GIMD1: variants seen among roughly 807,000 people sequenced by gnomAD.
GIMD1 encodes GIMAP family P-loop NTPase domain containing 1.
In GIMD1, 14 loss-of-function variants were observed where a neutral mutation model predicts 14.9. The observed-to-expected ratio is 0.94, with a 90% CI of 0.62 to 1.47. GIMD1 has a LOEUF of 1.47. Among genes scored for constraint, GIMD1 ranks in the 40% most tolerant of loss-of-function variants. The probability of loss-of-function intolerance (pLI) is 0.00; values close to 1 mark genes in which losing one functional copy is unlikely to be tolerated. For synonymous variants in GIMD1, 91 were observed against 90.5 expected, an observed-to-expected ratio of 1.01 and a Z score of -0.03; for missense variants, 272 against 255.3, an observed-to-expected ratio of 1.07 and a Z score of -0.44.
intron 1 of GIMD1, 140 bp downstream of exon 1, chr4:106,368,570 T>G (rs1770742654): frequency 5.1e-6 from 2 of 391,588 alleles, no homozygotes. Context: ...GTCCCTCCAG[T>G]TCACACCAGC....
At chr4:106,362,592 AC>A (rs1343856796) in intron 2 of GIMD1, among the ~76,000 whole-genome samples, 2 of 152,032 alleles carry the variant, frequency 1.3e-5, no homozygotes. Context: ...CCAGGACCTC[AC>A]CAGCCCTGCC....
chr4:106,368,682 C>A (rs1364028313), intron 1 of GIMD1, 28 bp downstream of exon 1: 1 of 398,220 alleles, frequency 2.5e-6, no homozygotes, highest in Non-Finnish European at 4.4e-6. Flanking sequence ...ATTATTCAAT[C>A]CCAATCCATT....
rs187652846 is a variant in GIMD1 at position 106,364,527 on chromosome 4, A to G, written c.393+2516T>C. Among the ~76,000 whole-genome samples the G allele has an allele frequency of 3.0e-3, 461 of 152,286 alleles. 6 individuals are homozygous for G. Among genetic ancestry groups the G allele is most frequent in the Admixed American group, 0.028 (433 of 15,282 alleles). ...GCACATACAGATGGCTGCCACCAGT[A>G]TCTGAGGCACCTTCAGGAAGATCAC... On this transcript the variant is annotated intron_variant, in intron 2 of 2. Coordinates refer to ENST00000638719, the MANE Select transcript of GIMD1 (RefSeq NM_001195138.2).
intron 2 of GIMD1, among the ~76,000 whole-genome samples, chr4:106,360,689 G>A (rs972877919): frequency 6.6e-6 from 1 of 152,036 alleles, no homozygotes; most frequent in African/African-American, 2.4e-5. Flanking sequence ...GTGAGTCCCT[G>A]TCTAGTATGA....
chr4:106,365,691 G>A (rs1319963775), intron 2 of GIMD1, among the ~76,000 whole-genome samples: 1 of 152,108 alleles, frequency 6.6e-6, no homozygotes, highest in Non-Finnish European at 1.5e-5. Context: ...AGGCTCTTGA[G>A]TAATACTAGT....
chr4:106,358,179 A>G lies in GIMD1; in HGVS notation c.*4T>C. The G allele has an allele frequency of 2.0e-6, 3 of 1,468,202 alleles. No individual in the cohort carries two copies. The highest frequency in any genetic ancestry group is 1.8e-6 in the Non-Finnish European group (2 of 1,113,798). 90.9% of individuals were successfully genotyped at this position (1,468,202 alleles called of 1,614,324 possible). A position where few individuals can be genotyped will look rare whatever the true frequency, so the allele number is the denominator to read the frequency against. ...CCCAATGCTCCTTTCCTTTCACCTA[A>G]ATTTTATTTAAATGTAAGAACTTGG... On this transcript the variant is annotated 3_prime_UTR_variant, in exon 3 of 3. Coordinates refer to ENST00000638719, the MANE Select transcript of GIMD1 (RefSeq NM_001195138.2).
At chr4:106,363,599 C>A (rs1180461219) in intron 2 of GIMD1, among the ~76,000 whole-genome samples, 1 of 152,036 alleles carries the variant, frequency 6.6e-6, no homozygotes, top group Non-Finnish European at 1.5e-5. Context: ...GAACTCTTAA[C>A]ATACATAAAA....
At chr4:106,366,496 T>A (rs1770700868) in intron 2 of GIMD1, among the ~76,000 whole-genome samples, 2 of 152,186 alleles carry the variant, frequency 1.3e-5, no homozygotes, top group African/African-American at 4.8e-5. Context: ...CCTGGTGAAC[T>A]ATAAGAGATT....
chr4:106,367,886 C>G (rs1311579637), intron 1 of GIMD1, among the ~76,000 whole-genome samples: 1 of 152,048 alleles, frequency 6.6e-6, no homozygotes, highest in Non-Finnish European at 1.5e-5. Context: ...AAGAAACAAC[C>G]CTTCTTGCTT....
chr4:106,366,224 T>A (rs1378386176), intron 2 of GIMD1, among the ~76,000 whole-genome samples: 1 of 152,106 alleles, frequency 6.6e-6, no homozygotes, highest in Non-Finnish European at 1.5e-5. Flanking sequence ...GAATCTGAAG[T>A]TCTGAATTGT....
chr4:106,365,391 GTT>G (rs11461687), intron 2 of GIMD1, among the ~76,000 whole-genome samples: 1 of 145,358 alleles, frequency 6.9e-6, no homozygotes, highest in Non-Finnish European at 1.5e-5. Context: ...ATATGGCTGG[GTT>G]TTTTTTTTTC....
rs1288018444 is a variant in GIMD1, at chr4:106,358,078, C to A, written c.*105G>T. The A allele has an allele frequency of 5.9e-5, 43 of 730,828 alleles. No individual in the cohort carries two copies. In the East Asian group the frequency reaches 1.1e-3, roughly 19 times the overall value. The allele number at this position is 730,828 out of a possible 1,614,324, so 45.3% of individuals were successfully genotyped here. ...TTATACCAATGTACACTCTCACCAG[C>A]AGCATATCAGAATACTTATGGTCCA... is the stretch of plus-strand genomic sequence containing the variant. On this transcript the variant is annotated 3_prime_UTR_variant, in exon 3 of 3. Transcript: ENST00000638719.
chr4:106,362,078 A>T (rs73839458), intron 2 of GIMD1, among the ~76,000 whole-genome samples: 2,780 of 152,188 alleles, frequency 0.018, 81 homozygotes, highest in African/African-American at 0.061. Context: ...AAATCACCTA[A>T]GGATAATAGA....
chr4:106,366,966 T>TAA, intron 2 of GIMD1, 77 bp downstream of exon 2: 1 of 353,570 alleles, frequency 2.8e-6, no homozygotes, highest in African/African-American at 2.2e-5. Context: ...AATATTATTA[T>TAA]TATTATTATT....
intron 1 of GIMD1, among the ~76,000 whole-genome samples, chr4:106,367,908 C>G (rs915959691): frequency 6.6e-6 from 1 of 152,112 alleles, no homozygotes; most frequent in African/African-American, 2.4e-5. Flanking sequence ...CTAACAACAT[C>G]CCCCATCTTC....
At position 106,367,324 on chromosome 4, in the gene GIMD1, A is replaced by G; in HGVS notation, c.112T>C (p.Phe38Leu). 2.0e-6 allele frequency: 3 copies of G among 1,536,040 alleles called. No homozygotes were observed. Among genetic ancestry groups the G allele is most frequent in the Non-Finnish European group, 2.6e-6 (3 of 1,146,844 alleles). ...LLGSTDFHSS[F>L]APCSVTTCCS... Reference sequence around the variant, plus strand: ...CATGTGGTCACAGAACAGGGAGCAAAGCTGCTGTGAAAGTCTGTGCTTCCC... The same window carrying G: ...CATGTGGTCACAGAACAGGGAGCAAGGCTGCTGTGAAAGTCTGTGCTTCCC... Residue 38 changes from phenylalanine to leucine, a missense_variant, in exon 2 of 3, where the codon TTT becomes CTT. Physicochemically the swap from Phe to Leu is conservative, Grantham distance 22. Transcript: ENST00000638719.
chr4:106,364,447 C>T (rs760857678), intron 2 of GIMD1, among the ~76,000 whole-genome samples: 2 of 152,174 alleles, frequency 1.3e-5, no homozygotes, highest in South Asian at 2.1e-4. Context: ...TCCTTCCTAA[C>T]AGCTGCTGGT....
Position 106,358,258 on chromosome 4 carries a change from T to A in GIMD1, c.579A>T (p.Glu193Asp). The A allele has an allele frequency of 2.6e-6, 4 of 1,525,204 alleles. No homozygotes were observed. The African/African-American group carries it at 4.1e-5, about 16-fold the overall frequency. The allele number at this position is 1,525,204 out of a possible 1,614,324, so 94.5% of individuals were successfully genotyped here. A position where few individuals can be genotyped will look rare whatever the true frequency, so the allele number is the denominator to read the frequency against. ...TTCTTTCTAAGATTTTCATTCTTTG[T>A]TCATTGAGTGATTTTCCTTTTTTGT... ...FQYKKGKSLN[E>D]QRMKILERIM... The change falls in exon 3 of 3, where the codon GAA becomes GAT. Residue 193 changes from glutamate (E) to aspartate (D), a missense_variant. Physicochemically the swap from Glu to Asp is conservative, Grantham distance 45. Coordinates refer to ENST00000638719, the MANE Select transcript of GIMD1 (RefSeq NM_001195138.2).
chr4:106,359,486 C>G (rs1021884338), intron 2 of GIMD1, among the ~76,000 whole-genome samples: 1 of 151,776 alleles, frequency 6.6e-6, no homozygotes, highest in African/African-American at 2.4e-5. Flanking sequence ...TGCGTTACCT[C>G]TTTTGAAGCT....
Sources: allele counts gnomAD v4.1 joint callset (sites outside exome capture counted in the v4.1 genomes callset), GRCh38; gene constraint gnomAD v4.1.1; transcripts MANE v1.5; gene names NCBI Gene and HGNC (gene_info 2026-07-23, HGNC 2026-07-21).